Variants in ERC2 observed in about 807,000 individuals in gnomAD.
The protein encoded by ERC2 is ELKS/RAB6-interacting/CAST family member 2.
A neutral mutation model predicts 114.8 loss-of-function variants in ERC2; 42 were observed. The observed-to-expected ratio is 0.37, with a 90% CI of 0.29 to 0.47. ERC2 has a LOEUF of 0.47. ERC2 is among the 20% of genes least tolerant of loss of function. The probability of loss-of-function intolerance (pLI) is 0.99; values close to 1 mark genes in which losing one functional copy is unlikely to be tolerated. For missense variants in ERC2, 939 were observed against 1,150.7 expected, an observed-to-expected ratio of 0.82 and a Z score of 2.66; for synonymous variants, 454 against 425.5, an observed-to-expected ratio of 1.07 and a Z score of -0.82.
intron 14 of ERC2, among the ~76,000 whole-genome samples, chr3:55,751,270 T>C (rs1258106847): frequency 1.3e-5 from 2 of 152,174 alleles, no homozygotes; most frequent in African/African-American, 2.4e-5. Flanking sequence ...CAATATGGTA[T>C]CTTTAGGATA....
intron 14 of ERC2, among the ~76,000 whole-genome samples, chr3:55,801,332 C>G (rs926129944): frequency 7.2e-5 from 11 of 152,144 alleles, no homozygotes; most frequent in Non-Finnish European, 1.2e-4. Flanking sequence ...TTGGAAGCAC[C>G]TGAAGGGCTC....
At chr3:55,690,169 C>A (rs545952076) in intron 16 of ERC2, among the ~76,000 whole-genome samples, 1 of 152,228 alleles carries the variant, frequency 6.6e-6, no homozygotes, top group East Asian at 1.9e-4. Context: ...TGCTATTGGT[C>A]TGTAAGGTGG....
chr3:56,458,810 A>G (rs1038366998), intron 1 of ERC2, among the ~76,000 whole-genome samples: 1 of 152,198 alleles, frequency 6.6e-6, no homozygotes, highest in African/African-American at 2.4e-5. Flanking sequence ...AGAAGGAAAG[A>G]AAAGACATCA....
chr3:56,308,509 A>T (rs1183852551), intron 2 of ERC2, among the ~76,000 whole-genome samples: 7 of 152,342 alleles, frequency 4.6e-5, no homozygotes, highest in African/African-American at 1.4e-4. Context: ...AGGTAACTAG[A>T]ATGAAAATAT....
intron 1 of ERC2, among the ~76,000 whole-genome samples, chr3:56,450,867 C>A (rs553318716): frequency 1.3e-5 from 2 of 151,840 alleles, no homozygotes; most frequent in African/African-American, 4.8e-5. Context: ...GGCAAAATCC[C>A]AAACAATAAA....
intron 14 of ERC2, among the ~76,000 whole-genome samples, chr3:55,854,307 G>C (rs2061696024): frequency 6.6e-6 from 1 of 152,266 alleles, no homozygotes; most frequent in African/African-American, 2.4e-5. Context: ...AAAGCACCTA[G>C]ATAAGATTTA....
chr3:56,106,423 G>A (rs9855836), intron 6 of ERC2, among the ~76,000 whole-genome samples: 26,079 of 152,188 alleles, frequency 0.17, 2,440 homozygotes, highest in African/African-American at 0.23. Flanking sequence ...AATGTTTAAC[G>A]AGGACACAAC....
chr3:55,883,481 G>C (rs761928847), intron 14 of ERC2, among the ~76,000 whole-genome samples: 7 of 152,042 alleles, frequency 4.6e-5, no homozygotes, highest in Non-Finnish European at 8.8e-5. Context: ...TCTGCATCTT[G>C]ACTGTGGTGG....
At chr3:56,001,356 A>G (rs1251746879) in intron 10 of ERC2, among the ~76,000 whole-genome samples, 2 of 151,992 alleles carry the variant, frequency 1.3e-5, no homozygotes, top group African/African-American at 2.4e-5. Context: ...TAAGAAAAAC[A>G]TAGTCATTTT....
intron 2 of ERC2, among the ~76,000 whole-genome samples, chr3:56,385,997 G>C (rs2059919823): frequency 6.6e-6 from 1 of 152,120 alleles, no homozygotes; most frequent in Admixed American, 6.6e-5. Context: ...ATGAACTACT[G>C]ATAGACATAT....
chr3:56,464,705 A>T (rs1022765644), intron 1 of ERC2, among the ~76,000 whole-genome samples: 1 of 152,218 alleles, frequency 6.6e-6, no homozygotes, highest in Non-Finnish European at 1.5e-5. Context: ...CTACATTACC[A>T]TGAATATTGG....
intron 8 of ERC2, among the ~76,000 whole-genome samples, chr3:56,012,943 C>T (rs2073055150): frequency 6.6e-6 from 1 of 152,176 alleles, no homozygotes; most frequent in Non-Finnish European, 1.5e-5. Context: ...CTGCACAGGT[C>T]TAATCTATTT....
Position 56,050,972 on chromosome 3 carries a change from G to T in ERC2, c.1641+29845C>A, listed in dbSNP as rs190706132. 5.1e-3 allele frequency among the ~76,000 whole-genome samples: 776 copies of T among 152,262 alleles called. 11 individuals carry two copies. The highest frequency in any genetic ancestry group is 0.018 in the African/African-American group (742 of 41,544). ...ATTCTTCTAAAGTAGTAGTTATTAGGGAAAGCACATGAGAAACTCATATAA... is the reference window on the plus strand; with the variant it reads ...ATTCTTCTAAAGTAGTAGTTATTAGTGAAAGCACATGAGAAACTCATATAA... On this transcript the variant is annotated intron_variant, in intron 7 of 17. Transcript: ENST00000288221.
intron 2 of ERC2, among the ~76,000 whole-genome samples, chr3:56,329,834 T>C (rs2150450668): frequency 6.6e-6 from 1 of 151,582 alleles, no homozygotes; most frequent in African/African-American, 2.4e-5. Flanking sequence ...CCACCATATA[T>C]ATATTTCCAC....
intron 14 of ERC2, among the ~76,000 whole-genome samples, chr3:55,759,462 TAAAAAA>T (rs540204065): frequency 3.0e-4 from 11 of 36,066 alleles, no homozygotes; most frequent in African/African-American, 1.0e-3. Flanking sequence ...TCTCTTTCAT[TAAAAAA>T]AAAAAAAAAA....
chr3:56,436,176 C>G (rs1024625485), intron 1 of ERC2, among the ~76,000 whole-genome samples: 1 of 152,094 alleles, frequency 6.6e-6, no homozygotes, highest in East Asian at 1.9e-4. Flanking sequence ...AATAAAAGAA[C>G]AGATTTGAGA....
At chr3:55,665,273 T>C (rs2061315218) in intron 17 of ERC2, among the ~76,000 whole-genome samples, 1 of 152,204 alleles carries the variant, frequency 6.6e-6, no homozygotes, top group Non-Finnish European at 1.5e-5. Context: ...GCTACTCAGA[T>C]CTCAGCCATT....
intron 2 of ERC2, among the ~76,000 whole-genome samples, chr3:56,404,981 G>C (rs765057616): frequency 6.6e-6 from 1 of 152,110 alleles, no homozygotes; most frequent in Non-Finnish European, 1.5e-5. Context: ...TCAACATGTG[G>C]GTGGGAAGGT....
At chr3:55,928,150 T>C (rs1402470959) in intron 13 of ERC2, among the ~76,000 whole-genome samples, 1 of 152,222 alleles carries the variant, frequency 6.6e-6, no homozygotes, top group African/African-American at 2.4e-5. Flanking sequence ...CATTGTATGG[T>C]AGTTCCATTT....
Sources: gnomAD v4.1 joint callset for allele counts (sites outside exome capture counted in the v4.1 genomes callset) on GRCh38, gnomAD v4.1.1 for gene constraint, MANE v1.5 for transcripts, NCBI Gene and HGNC (gene_info 2026-07-23, HGNC 2026-07-21) for gene names.